The following ZNF585A variants were observed in gnomAD, a reference collection of about 807,000 sequenced individuals.
The protein encoded by ZNF585A is zinc finger protein 585A.
In ZNF585A, 9 loss-of-function variants were observed where a neutral mutation model predicts 14.9. That is an observed-to-expected ratio of 0.60 (90% CI 0.36 to 1.05). The LOEUF (loss-of-function observed/expected upper bound fraction) is 1.05, where lower values mean the gene tolerates loss of function less well. ZNF585A is among the 50% of genes least tolerant of loss of function. The pLI, the probability that ZNF585A is intolerant of heterozygous loss-of-function variation, is 0.01. For synonymous variants in ZNF585A, 276 were observed against 319.9 expected (o/e 0.86, Z 1.46); for missense variants, 726 against 926.4 (o/e 0.78, Z 2.81).
chr19:37,155,934 C>T lies in ZNF585A; in HGVS notation c.223G>A (p.Val75Met). The T allele has an allele frequency of 1.2e-6, 2 of 1,613,240 alleles. No individual in the cohort carries two copies. The highest frequency in any genetic ancestry group is 1.7e-6 in the Non-Finnish European group (2 of 1,180,032). Reference sequence around the variant, plus strand: ...TCCTTTCCTTGCTCCAACATGACCACCTCTGCTTCAGGAACTTGATATCCT... The same window carrying T: ...TCCTTTCCTTGCTCCAACATGACCATCTCTGCTTCAGGAACTTGATATCCT... The part of the protein sequence containing the change: ...SVGYQVPEAE[V>M]VMLEQGKEPW... Residue 75 changes from valine (V) to methionine (M), a missense_variant, in exon 4 of 5, where the codon GTG (valine) becomes ATG (methionine). Physicochemically the swap from Val to Met is conservative, Grantham distance 21. This residue lies in a region of ZNF585A where 483 missense variants were observed against 542.8 expected (regional missense o/e 0.89). Coordinates refer to ENST00000292841, the MANE Select transcript of ZNF585A (RefSeq NM_001288800.2).
At chr19:37,156,063 C>A in intron 3 of ZNF585A, 106 bp from the exon 4 acceptor site, 1 of 1,564,348 alleles carries the variant, frequency 6.4e-7, no homozygotes, top group South Asian at 1.2e-5. Context: ...GAAAAGTAAC[C>A]ATAACTTTTC....
chr19:37,153,023 A>G lies in ZNF585A; in HGVS notation c.876T>C (p.His292=), dbSNP rs771520159. Residue 292 remains histidine (H), a synonymous_variant, in exon 5 of 5, where the codon CAT becomes CAC. Coordinates refer to ENST00000292841, the MANE Select transcript of ZNF585A (RefSeq NM_001288800.2). ...TGCACTCATATGGTTTTTCTCCAGTATGAATTCTTCGGTGTGCAATCAAAT... is the reference window on the plus strand; with the variant it reads ...TGCACTCATATGGTTTTTCTCCAGTGTGAATTCTTCGGTGTGCAATCAAAT... ...KTHLIAHRRI[H]TGEKPYECSN... 6.2e-7 allele frequency: 1 copy of G among 1,614,230 alleles called. No individual in the cohort carries two copies.
intron 2 of ZNF585A, among the ~76,000 whole-genome samples, 192 bp downstream of exon 2, chr19:37,169,647 G>A (rs1033322566): frequency 6.6e-6 from 1 of 152,142 alleles, no homozygotes; most frequent in African/African-American, 2.4e-5. Context: ...ATGGCCTCCA[G>A]AGACGAAGAC....
chr19:37,152,419 A>G lies in ZNF585A; in HGVS notation c.1480T>C (p.Tyr494His). ...HQKTHTGEKS[Y>H]ICSKCGKAFT... is the part of the protein sequence containing the mutation. ...GCCTTTCCACATTTGGAACATATAT[A>G]AGATTTCTCTCCTGTATGAGTTTTC... The change falls in exon 5 of 5, where the codon TAT becomes CAT. Residue 494 changes from tyrosine to histidine, a missense_variant. Coordinates refer to ENST00000292841, the MANE Select transcript of ZNF585A (RefSeq NM_001288800.2). 6.2e-7 allele frequency: 1 copy of G among 1,613,986 alleles called. No individual in the cohort carries two copies. Among genetic ancestry groups the G allele is most frequent in the South Asian group, 1.1e-5 (1 of 91,066 alleles).
rs1972157162 is a variant in ZNF585A at position 37,170,045 on chromosome 19, A to G, written c.-135T>C. On this transcript the variant is annotated 5_prime_UTR_variant, in exon 2 of 5. Coordinates refer to ENST00000292841, the MANE Select transcript of ZNF585A (RefSeq NM_001288800.2). ...TCTGGCCCAGGGGCTCCCCAGAGAC[A>G]CCCAGAAACCTGGAAAGACAATGTT... 2 of 935,980 alleles carry G rather than the reference A, an allele frequency of 2.1e-6. No homozygotes were observed. The highest frequency in any genetic ancestry group is 3.2e-6 in the Non-Finnish European group (2 of 633,136). 58.0% of individuals were successfully genotyped at this position (935,980 alleles called of 1,614,324 possible).
intron 2 of ZNF585A, among the ~76,000 whole-genome samples, chr19:37,161,014 CAT>C (rs929935111): frequency 3.2e-4 from 48 of 152,200 alleles, no homozygotes; most frequent in African/African-American, 1.1e-3. Flanking sequence ...ACTACAGACA[CAT>C]ATCACCATAC....
At position 37,149,563 on chromosome 19, in the gene ZNF585A, A is replaced by C. The variant is rs2145392652; in HGVS notation, c.*2026T>G. The C allele has an allele frequency of 6.6e-6, 1 of 152,306 alleles. No individual in the cohort carries two copies. Among genetic ancestry groups the C allele is most frequent in the Non-Finnish European group, 1.5e-5 (1 of 68,028 alleles). The allele number at this position is 152,306 out of a possible 1,614,324, so 9.4% of individuals were successfully genotyped here. A position where few individuals can be genotyped will look rare whatever the true frequency, so the allele number is the denominator to read the frequency against. On this transcript the variant is annotated 3_prime_UTR_variant, in exon 5 of 5. Coordinates refer to ENST00000292841, the MANE Select transcript of ZNF585A (RefSeq NM_001288800.2). ...CCCATCCATCATGTGACCCAAAAAAAGTCACTTCATTCTCCCATAATCCCA... is the reference window on the plus strand; with the variant it reads ...CCCATCCATCATGTGACCCAAAAAACGTCACTTCATTCTCCCATAATCCCA...
chr19:37,152,712 G>A lies in ZNF585A; in HGVS notation c.1187C>T (p.Ala396Val). The change falls in exon 5 of 5, where the codon GCA becomes GTA. Residue 396 changes from alanine (A) to valine (V), a missense_variant. Around this residue, in one of 2 missense-constraint regions of ZNF585A, gnomAD observed 483 missense variants for 542.8 expected, o/e 0.89. Coordinates refer to ENST00000292841, the MANE Select transcript of ZNF585A (RefSeq NM_001288800.2). The stretch of plus-strand genomic sequence containing the variant: ...ATGAATTCTCTGATGCACTGTGAGT[G>A]CTGACTTCTGAGTGAAGGCTTTCCC... ...DCGKAFTQKS[A>V]LTVHQRIHTG... The A allele has an allele frequency of 7.4e-6, 12 of 1,610,916 alleles. No homozygotes were observed. Among genetic ancestry groups the A allele is most frequent in the Non-Finnish European group, 1.0e-5 (12 of 1,178,864 alleles).
rs771263428 is a variant in ZNF585A, at chr19:37,151,885, G to A, written c.2014C>T (p.Arg672Ter). The change falls in exon 5 of 5, where the codon CGA becomes TGA. Residue 672 changes from arginine (R) to a stop codon, truncating the protein, a stop_gained. Coordinates refer to ENST00000292841, the MANE Select transcript of ZNF585A (RefSeq NM_001288800.2). LOFTEE classifies it high-confidence loss of function. ...YICSECGKTF[R>*]QKSELITHHR... is the part of the protein sequence containing the mutation. ...TGTGTAATCAACTCTGACTTCTGTC[G>A]AAAGGTCTTCCCACATTCAGAACAA... The A allele has an allele frequency of 4.3e-6, 7 of 1,611,438 alleles. No homozygotes were observed. Among genetic ancestry groups the A allele is most frequent in the African/African-American group, 1.3e-5 (1 of 74,148 alleles).
intron 2 of ZNF585A, chr19:37,165,599 C>T: frequency 1.0e-6 from 1 of 977,812 alleles, no homozygotes. Flanking sequence ...ACCTACTAGG[C>T]TATTGTTTTC....
rs889238697 is a variant in ZNF585A at position 37,148,402 on chromosome 19, A to ACG, written c.*3186_*3187insCG. 11 of 151,802 alleles carry ACG rather than the reference A, an allele frequency of 7.2e-5. No individual in the cohort carries two copies. Among genetic ancestry groups the ACG allele is most frequent in the African/African-American group, 2.7e-4 (11 of 41,368 alleles). The allele number at this position is 151,802 out of a possible 1,614,324, so 9.4% of individuals were successfully genotyped here. A position where few individuals can be genotyped will look rare whatever the true frequency, so the allele number is the denominator to read the frequency against. ...ATATACATACACGTACAAAACACAC[A>ACG]CACACACACACACACACACAAGGAC... On this transcript the variant is annotated 3_prime_UTR_variant, in exon 5 of 5. Transcript: ENST00000292841.
At chr19:37,164,124 A>C (rs1010101575) in intron 2 of ZNF585A, among the ~76,000 whole-genome samples, 1 of 152,166 alleles carries the variant, frequency 6.6e-6, no homozygotes, top group African/African-American at 2.4e-5. Context: ...ATAAACAAAA[A>C]CTATAGGAAA....
chr19:37,151,998 T>C lies in ZNF585A; in HGVS notation c.1901A>G (p.Tyr634Cys), dbSNP rs753837332. Residue 634 changes from tyrosine to cysteine, a missense_variant, in exon 5 of 5, where the codon TAT (tyrosine) becomes TGT (cysteine). Transcript: ENST00000292841. ...GGCCTTCCCGCACTCGGCACACACA[T>C]AGGGTTTCTCTCCTGTGTGAACTGG... ...HQPVHTGEKP[Y>C]VCAECGKAFS... is the part of the protein sequence containing the mutation. The C allele has an allele frequency of 2.5e-6, 4 of 1,613,866 alleles. No homozygotes were observed. Among genetic ancestry groups the C allele is most frequent in the South Asian group, 1.1e-5 (1 of 91,072 alleles).
chr19:37,155,751 C>G, intron 4 of ZNF585A, 114 bp downstream of exon 4: 1 of 1,182,142 alleles, frequency 8.5e-7, no homozygotes. Context: ...CAAAAACATT[C>G]AGAACTTTCC....
intron 2 of ZNF585A, among the ~76,000 whole-genome samples, chr19:37,157,647 A>G (rs1306085825): frequency 6.6e-6 from 1 of 152,174 alleles, no homozygotes; most frequent in Non-Finnish European, 1.5e-5. Context: ...CCCAGAAAAG[A>G]CAAGAATAAA....
intron 2 of ZNF585A, among the ~76,000 whole-genome samples, chr19:37,161,048 T>C (rs566521926): frequency 3.4e-4 from 51 of 152,188 alleles, no homozygotes; most frequent in Admixed American, 3.0e-3. Context: ...CAAAGAATTC[T>C]ATCGAACTTA....
Position 37,171,353 on chromosome 19 carries a change from A to G in ZNF585A, c.-145+1274T>C, listed in dbSNP as rs1188203967. Among the ~76,000 whole-genome samples the G allele has an allele frequency of 5.3e-5, 8 of 152,262 alleles. No individual in the cohort carries two copies. In the East Asian group the frequency reaches 1.5e-3, roughly 29 times the overall value. On this transcript the variant is annotated intron_variant, in intron 1 of 4. Transcript: ENST00000292841. ...TATGTTAAAATATACCACAAAAAAA[A>G]GTAGGACAAAAGATATGAAAATTCA...
chr19:37,163,766 C>CA (rs1972046921), intron 2 of ZNF585A, among the ~76,000 whole-genome samples: 1 of 150,594 alleles, frequency 6.6e-6, no homozygotes, highest in Admixed American at 6.6e-5. Flanking sequence ...CACACAAAAA[C>CA]AAAAAAGAAT....
Position 37,152,099 on chromosome 19 carries a change from A to G in ZNF585A, c.1800T>C (p.His600=), listed in dbSNP as rs1316470632. The part of the protein sequence containing the change: ...KSNFITHQRI[H]TGEKPYECSD... ...TGCATTCATAAGGCTTCTCTCCAGT[A>G]TGAATTCTTTGATGAGTAATAAAGT... is the stretch of plus-strand genomic sequence containing the variant. The change falls in exon 5 of 5, where the codon CAT becomes CAC. Residue 600 remains histidine (H), a synonymous_variant. Coordinates refer to ENST00000292841, the MANE Select transcript of ZNF585A (RefSeq NM_001288800.2). 2 of 1,603,536 alleles carry G rather than the reference A, an allele frequency of 1.2e-6. No individual in the cohort carries two copies. The highest frequency in any genetic ancestry group is 1.3e-5 in the African/African-American group (1 of 74,198).
Sources: allele counts gnomAD v4.1 joint callset (sites outside exome capture counted in the v4.1 genomes callset), GRCh38; gene constraint gnomAD v4.1.1; regional missense constraint gnomAD v4.1.1; transcripts MANE v1.5; gene names NCBI Gene and HGNC (gene_info 2026-07-23, HGNC 2026-07-21).